Variants in SIMC1 observed in about 807,000 individuals in gnomAD.
The protein encoded by SIMC1 is SUMO-interacting motif-containing protein 1.
SIMC1 carries 55 observed loss-of-function variants against 82.3 expected under a neutral mutation model. The ratio of observed to expected loss-of-function variants is 0.67; its 90% CI spans 0.54 to 0.84. The LOEUF (loss-of-function observed/expected upper bound fraction) is 0.84, where lower values mean the gene tolerates loss of function less well. Among genes scored for constraint, SIMC1 ranks in the 40% least tolerant of loss-of-function variants. The probability of loss-of-function intolerance (pLI) is 0.00; values close to 1 mark genes in which losing one functional copy is unlikely to be tolerated. For synonymous variants in SIMC1, 353 were observed against 426.3 expected (o/e 0.83, Z 2.12); for missense variants, 915 against 1,107.2 (o/e 0.83, Z 2.46).
chr5:176,283,460 A>G (rs1429731727), intron 1 of SIMC1, among the ~76,000 whole-genome samples: 2 of 152,234 alleles, frequency 1.3e-5, no homozygotes, highest in African/African-American at 4.8e-5. Flanking sequence ...AATCCTTTAC[A>G]GAGAAGCAAA....
At chr5:176,345,090 T>C in intron 9 of SIMC1, 93 bp from the exon 10 acceptor site, 3 of 1,499,270 alleles carry the variant, frequency 2.0e-6, no homozygotes, top group Non-Finnish European at 1.8e-6. Flanking sequence ...AGTCAGCAAG[T>C]CTTTGCCAAG....
intron 1 of SIMC1, among the ~76,000 whole-genome samples, chr5:176,274,692 A>G (rs1156525557): frequency 2.0e-5 from 3 of 151,882 alleles, no homozygotes; most frequent in African/African-American, 7.2e-5. Flanking sequence ...ATAAGGTGTA[A>G]GGAAGGGATC....
rs750214949 is a variant in SIMC1 at position 176,337,181 on chromosome 5, A to G, written c.2413+35A>G. Reference sequence around the variant, plus strand: ...ATTTGTTCACAAGTGGAGTAGTGGAAGGTCTCAATGGACATTTGTATTAGT... The same window carrying G: ...ATTTGTTCACAAGTGGAGTAGTGGAGGGTCTCAATGGACATTTGTATTAGT... On this transcript the variant is annotated intron_variant, in intron 9 of 9. Coordinates refer to ENST00000429602, the MANE Select transcript of SIMC1 (RefSeq NM_001308195.2). 35 of 1,545,986 alleles carry G rather than the reference A, an allele frequency of 2.3e-5. No individual in the cohort carries two copies. The Admixed American group carries it at 5.4e-4, about 24-fold the overall frequency.
chr5:176,245,066 G>T (rs1761392718), intron 1 of SIMC1, among the ~76,000 whole-genome samples: 1 of 152,110 alleles, frequency 6.6e-6, no homozygotes, highest in Non-Finnish European at 1.5e-5. Flanking sequence ...ATTAAAGATT[G>T]TTATAGGTGG....
At chr5:176,251,107 A>G (rs1255454922) in intron 1 of SIMC1, among the ~76,000 whole-genome samples, 6 of 152,170 alleles carry the variant, frequency 3.9e-5, no homozygotes, top group Non-Finnish European at 8.8e-5. Flanking sequence ...CACCCCTACA[A>G]TCTCAGCACT....
At chr5:176,292,404 G>C (rs2113270669) in intron 2 of SIMC1, among the ~76,000 whole-genome samples, 1 of 152,338 alleles carries the variant, frequency 6.6e-6, no homozygotes, top group East Asian at 1.9e-4. Flanking sequence ...CATTCAAGCA[G>C]TGATCCAGGT....
rs184290210 is a variant in SIMC1, at chr5:176,253,012, G to A, written c.129+14375G>A. On this transcript the variant is annotated intron_variant, in intron 1 of 9. Coordinates refer to ENST00000429602, the MANE Select transcript of SIMC1 (RefSeq NM_001308195.2). ...AAAACCAGTCAGGCGTGGCGCGCGC[G>A]CCTGCAATCGCAGGCACTCAGCAGG... Among the ~76,000 whole-genome samples, 13 of 152,268 alleles carry A rather than the reference G, an allele frequency of 8.5e-5. No homozygotes were observed. In the East Asian group the frequency reaches 2.5e-3, roughly 29 times the overall value.
chr5:176,291,078 T>C (rs1763539188), intron 2 of SIMC1, 123 bp downstream of exon 2: 2 of 632,442 alleles, frequency 3.2e-6, no homozygotes, highest in East Asian at 5.7e-5. Context: ...TTATCTTTCC[T>C]CCACTTGTGA....
chr5:176,271,921 TTA>T (rs201632114), intron 1 of SIMC1, among the ~76,000 whole-genome samples: 19,065 of 57,496 alleles, frequency 0.33, 2,826 homozygotes, highest in African/African-American at 0.48. Flanking sequence ...TAATTGTATA[TTA>T]TATTATAATA....
chr5:176,303,562 C>T (rs1043201290), intron 4 of SIMC1, among the ~76,000 whole-genome samples: 31 of 151,936 alleles, frequency 2.0e-4, no homozygotes, highest in Admixed American at 5.9e-4. Flanking sequence ...TCAGATGATC[C>T]GCCCGCCTCG....
At chr5:176,242,645 A>C (rs1488576426) in intron 1 of SIMC1, among the ~76,000 whole-genome samples, 2 of 152,104 alleles carry the variant, frequency 1.3e-5, no homozygotes, top group Non-Finnish European at 2.9e-5. Flanking sequence ...TTCATGAATC[A>C]ACTGTATTGC....
intron 2 of SIMC1, 70 bp from the exon 3 acceptor site, chr5:176,294,960 G>C: frequency 7.4e-7 from 1 of 1,352,516 alleles, no homozygotes; most frequent in East Asian, 2.7e-5. Flanking sequence ...GCAAGACTCC[G>C]TCTCAAAAAA....
At chr5:176,320,874 T>C (rs1765129500) in intron 5 of SIMC1, among the ~76,000 whole-genome samples, 1 of 152,220 alleles carries the variant, frequency 6.6e-6, no homozygotes, top group Non-Finnish European at 1.5e-5. Context: ...AGGCTTGGAT[T>C]AAACGTCATC....
At chr5:176,313,140 C>T (rs537055619) in intron 4 of SIMC1, 4 of 386,610 alleles carry the variant, frequency 1.0e-5, no homozygotes, top group Non-Finnish European at 1.6e-5. Context: ...CAAGTTGAGC[C>T]AAGCCAACAG....
intron 1 of SIMC1, among the ~76,000 whole-genome samples, chr5:176,285,143 C>T (rs1763210061): frequency 6.6e-6 from 1 of 152,118 alleles, no homozygotes; most frequent in Non-Finnish European, 1.5e-5. Flanking sequence ...TTTATGAGGC[C>T]AGCATCATCC....
intron 9 of SIMC1, among the ~76,000 whole-genome samples, chr5:176,342,741 C>T (rs379653): frequency 0.53 from 80,341 of 152,116 alleles, 21,410 homozygotes; most frequent in Non-Finnish European, 0.57. Context: ...ACAGACCCTC[C>T]GTGGCTAGAG....
At chr5:176,263,915 G>A (rs2560158) in intron 1 of SIMC1, among the ~76,000 whole-genome samples, 4 of 152,214 alleles carry the variant, frequency 2.6e-5, no homozygotes, top group South Asian at 2.1e-4. Flanking sequence ...CAATGATTGT[G>A]CAGGCATAGG....
intron 4 of SIMC1, chr5:176,312,975 C>A: frequency 6.3e-6 from 1 of 157,706 alleles, no homozygotes; most frequent in Non-Finnish European, 1.4e-5. Context: ...ACAGTAAGTC[C>A]TAGAGGGCTT....
chr5:176,305,454 G>A (rs1252528513), intron 4 of SIMC1, among the ~76,000 whole-genome samples: 2 of 42,992 alleles, frequency 4.7e-5, no homozygotes, highest in East Asian at 7.6e-4. Flanking sequence ...GAGGTGAGGG[G>A]CGCCTCTGCC....
Sources: allele counts gnomAD v4.1 joint callset (sites outside exome capture counted in the v4.1 genomes callset), GRCh38; gene constraint gnomAD v4.1.1; transcripts MANE v1.5; gene names NCBI Gene and HGNC (gene_info 2026-07-23, HGNC 2026-07-21).